Variants in PTPRN2 observed in about 807,000 individuals in gnomAD.
The protein encoded by PTPRN2 is protein tyrosine phosphatase receptor type N2.
PTPRN2 carries 74 observed loss-of-function variants against 118.8 expected under a neutral mutation model. The ratio of observed to expected loss-of-function variants is 0.62; its 90% CI spans 0.52 to 0.76. The LOEUF is 0.76. PTPRN2 is among the 30% of genes least tolerant of loss of function. The pLI is 0.00. For synonymous variants in PTPRN2, 641 were observed against 608.0 expected (o/e 1.05, Z -0.80); for missense variants, 1,481 against 1,394.4 (o/e 1.06, Z -0.99).
intron 1 of PTPRN2, among the ~76,000 whole-genome samples, chr7:158,577,076 G>A (rs1828370653): frequency 7.4e-6 from 1 of 135,468 alleles, no homozygotes; most frequent in Non-Finnish European, 1.6e-5. Context: ...TGCCCACCCT[G>A]CCTGATGCCA....
At chr7:157,548,851 C>T (rs942912569) in intron 22 of PTPRN2, 95 bp downstream of exon 22, 3 of 1,229,556 alleles carry the variant, frequency 2.4e-6, no homozygotes, top group Admixed American at 3.6e-5. Context: ...GTGCGGCTCA[C>T]ATTAAACCAG....
chr7:158,385,159 C>T (rs1044540345), intron 2 of PTPRN2, among the ~76,000 whole-genome samples: 2 of 152,280 alleles, frequency 1.3e-5, no homozygotes. Flanking sequence ...CTGATAACAT[C>T]GACAAGAACC....
At chr7:158,536,192 T>C (rs145257499) in intron 1 of PTPRN2, among the ~76,000 whole-genome samples, 1 of 152,288 alleles carries the variant, frequency 6.6e-6, no homozygotes, top group Admixed American at 6.5e-5. Flanking sequence ...TGAAATGCCC[T>C]TTAAATTTTG....
chr7:158,067,941 G>A (rs1377644424), intron 11 of PTPRN2, among the ~76,000 whole-genome samples: 3 of 152,208 alleles, frequency 2.0e-5, no homozygotes, highest in Non-Finnish European at 4.4e-5. Context: ...GGCAGGGTCG[G>A]GGCAGACAGG....
intron 12 of PTPRN2, among the ~76,000 whole-genome samples, chr7:157,841,761 A>AT (rs1417281102): frequency 2.0e-5 from 3 of 151,902 alleles, no homozygotes; most frequent in African/African-American, 2.4e-5. Flanking sequence ...AAACACTACT[A>AT]TTTTTTCTAC....
At chr7:158,243,889 A>T (rs1796036478) in intron 3 of PTPRN2, among the ~76,000 whole-genome samples, 1 of 152,160 alleles carries the variant, frequency 6.6e-6, no homozygotes, top group Non-Finnish European at 1.5e-5. Context: ...AGTACTATTA[A>T]TGATAATTAC....
intron 2 of PTPRN2, among the ~76,000 whole-genome samples, chr7:158,385,297 C>T (rs1811249608): frequency 1.7e-5 from 1 of 59,654 alleles, no homozygotes; most frequent in African/African-American, 7.2e-5. Context: ...GCAAGAAAGA[C>T]ACCACTGGAA....
At chr7:158,006,545 C>T (rs796315665) in intron 11 of PTPRN2, among the ~76,000 whole-genome samples, 64 of 152,350 alleles carry the variant, frequency 4.2e-4, no homozygotes, top group African/African-American at 1.4e-3. Flanking sequence ...AAGAGCCGCC[C>T]GGGATGCAGA....
At chr7:158,241,913 G>T (rs1795925027) in intron 3 of PTPRN2, among the ~76,000 whole-genome samples, 1 of 152,198 alleles carries the variant, frequency 6.6e-6, no homozygotes, top group Non-Finnish European at 1.5e-5. Context: ...CTCTACCAAA[G>T]CTGCCATCTG....
At chr7:157,563,850 G>A (rs906304286) in intron 21 of PTPRN2, among the ~76,000 whole-genome samples, 18 of 149,610 alleles carry the variant, frequency 1.2e-4, no homozygotes, top group Non-Finnish European at 2.4e-4. Context: ...TCAAGACCAC[G>A]TGCTCCTGCA....
At chr7:158,162,502 C>T (rs759605624) in intron 6 of PTPRN2, among the ~76,000 whole-genome samples, 29 of 152,060 alleles carry the variant, frequency 1.9e-4, no homozygotes, top group Admixed American at 6.6e-5. Flanking sequence ...CTGAAAAGGC[C>T]ACATATTGTA....
intron 12 of PTPRN2, among the ~76,000 whole-genome samples, chr7:157,741,818 C>T (rs954730075): frequency 1.3e-5 from 2 of 152,176 alleles, no homozygotes; most frequent in African/African-American, 4.8e-5. Flanking sequence ...TCTTCATGTC[C>T]CCGGCATTTT....
At chr7:157,809,078 G>T (rs926557268) in intron 12 of PTPRN2, among the ~76,000 whole-genome samples, 1 of 151,752 alleles carries the variant, frequency 6.6e-6, no homozygotes, top group Non-Finnish European at 1.5e-5. Context: ...TAATGTGCAC[G>T]AGAAAAAGCA....
chr7:157,725,206 C>G (rs76413966), intron 12 of PTPRN2, among the ~76,000 whole-genome samples: 1,495 of 81,646 alleles, frequency 0.018, 14 homozygotes, highest in African/African-American at 0.07. Context: ...ACGCAGAGGA[C>G]TGCGGCCAGA....
intron 6 of PTPRN2, among the ~76,000 whole-genome samples, chr7:158,146,768 C>G (rs1443523893): frequency 1.3e-5 from 2 of 149,918 alleles, no homozygotes; most frequent in East Asian, 3.9e-4. Context: ...AAATTAAAAG[C>G]TTCATTTTCT....
chr7:157,706,080 A>G (rs914824653), intron 12 of PTPRN2, among the ~76,000 whole-genome samples: 2 of 151,834 alleles, frequency 1.3e-5, no homozygotes, highest in Non-Finnish European at 2.9e-5. Flanking sequence ...AACTGAGCCA[A>G]TCTGTCCCAG....
At chr7:158,421,600 G>A (rs910791931) in intron 2 of PTPRN2, among the ~76,000 whole-genome samples, 1 of 152,152 alleles carries the variant, frequency 6.6e-6, no homozygotes, top group African/African-American at 2.4e-5. Flanking sequence ...CTGCTTTTAG[G>A]ACAGCTGGGT....
At chr7:157,982,137 G>GGGT (rs1563295753) in intron 11 of PTPRN2, among the ~76,000 whole-genome samples, 11 of 131,090 alleles carry the variant, frequency 8.4e-5, no homozygotes, top group South Asian at 2.4e-4. Flanking sequence ...AGAGTGCAGC[G>GGGT]TCCCCCATAA....
chr7:157,681,024 G>C (rs1231438170), intron 13 of PTPRN2, among the ~76,000 whole-genome samples: 1 of 141,252 alleles, frequency 7.1e-6, no homozygotes, highest in Non-Finnish European at 1.6e-5. Context: ...CTATTAATTA[G>C]AGCTGTCACT....
Sources: gnomAD v4.1 joint callset for allele counts (sites outside exome capture counted in the v4.1 genomes callset) on GRCh38, gnomAD v4.1.1 for gene constraint, MANE v1.5 for transcripts, NCBI Gene and HGNC (gene_info 2026-07-23, HGNC 2026-07-21) for gene names.